Variants in SCHIP1 observed in about 807,000 individuals in gnomAD.
SCHIP1 encodes the protein schwannomin-interacting protein 1.
A neutral mutation model predicts 29.7 loss-of-function variants in SCHIP1; 8 were observed. The ratio of observed to expected loss-of-function variants is 0.27; its 90% CI spans 0.16 to 0.49. SCHIP1 has a LOEUF of 0.49. Ranked by LOEUF, SCHIP1 falls within the 20% of genes least tolerant of loss-of-function variation. The probability of loss-of-function intolerance (pLI) is 0.99; values close to 1 mark genes in which losing one functional copy is unlikely to be tolerated. For missense variants in SCHIP1, 193 were observed against 294.6 expected (o/e 0.66, Z 2.52); for synonymous variants, 76 against 94.9 (o/e 0.80, Z 1.16).
the SCHIP1 span, among the ~76,000 whole-genome samples, chr3:159,523,002 A>T: frequency 3.9e-5 from 6 of 152,302 alleles, no homozygotes; most frequent in East Asian, 1.2e-3. Flanking sequence ...TAATAAAGGA[A>T]CTTCCATATA....
At chr3:159,298,157 A>G in the SCHIP1 span, among the ~76,000 whole-genome samples, 1 of 152,230 alleles carries the variant, frequency 6.6e-6, no homozygotes, top group African/African-American at 2.4e-5. Flanking sequence ...AGACCATTCT[A>G]CAGCTCACAT....
At chr3:159,790,652 C>T in the SCHIP1 span, among the ~76,000 whole-genome samples, 1 of 152,218 alleles carries the variant, frequency 6.6e-6, no homozygotes, top group African/African-American at 2.4e-5. Flanking sequence ...AGCCCCTGCA[C>T]TCCAGCCTGG....
At chr3:159,715,038 G>C in the SCHIP1 span, among the ~76,000 whole-genome samples, 1 of 152,210 alleles carries the variant, frequency 6.6e-6, no homozygotes. Context: ...GCCCCTCTGA[G>C]AGGAAGCTTC....
At chr3:159,426,389 G>A in the SCHIP1 span, among the ~76,000 whole-genome samples, 1 of 152,160 alleles carries the variant, frequency 6.6e-6, no homozygotes, top group Non-Finnish European at 1.5e-5. Context: ...ACTACCATCA[G>A]AGAATACTAC....
the SCHIP1 span, among the ~76,000 whole-genome samples, chr3:159,585,883 G>GA: frequency 1.3e-5 from 2 of 152,008 alleles, no homozygotes; most frequent in Non-Finnish European, 1.5e-5. Flanking sequence ...TGCTAGGCTG[G>GA]AAAAAAATTT....
At chr3:159,574,746 T>C in the SCHIP1 span, among the ~76,000 whole-genome samples, 2 of 152,208 alleles carry the variant, frequency 1.3e-5, no homozygotes, top group African/African-American at 4.8e-5. Context: ...ATAGGCCTTA[T>C]TGAGCTGCAG....
the SCHIP1 span, among the ~76,000 whole-genome samples, chr3:159,649,559 TAAA>T: frequency 1.3e-5 from 2 of 151,820 alleles, no homozygotes; most frequent in Non-Finnish European, 2.9e-5. Context: ...AGTCAGAAGA[TAAA>T]AATCAGTACA....
At chr3:159,646,263 C>A in the SCHIP1 span, among the ~76,000 whole-genome samples, 1 of 152,298 alleles carries the variant, frequency 6.6e-6, no homozygotes, top group Non-Finnish European at 1.5e-5. Flanking sequence ...GTACGATTAG[C>A]TATTATCACT....
At chr3:159,789,708 T>C in the SCHIP1 span, among the ~76,000 whole-genome samples, 1 of 152,230 alleles carries the variant, frequency 6.6e-6, no homozygotes, top group East Asian at 1.9e-4. Context: ...GATTACATAA[T>C]TCAGGGTCTG....
At chr3:159,478,657 C>T in the SCHIP1 span, among the ~76,000 whole-genome samples, 1 of 152,060 alleles carries the variant, frequency 6.6e-6, no homozygotes, top group Admixed American at 6.6e-5. Flanking sequence ...AATTTTAGAT[C>T]ACTTTGGGTA....
chr3:159,423,161 T>G, the SCHIP1 span, among the ~76,000 whole-genome samples: 1 of 152,264 alleles, frequency 6.6e-6, no homozygotes, highest in Non-Finnish European at 1.5e-5. Flanking sequence ...CATTTCCATC[T>G]GAGGTACCGG....
chr3:159,865,058 G>A (rs1245624910), intron 1 of SCHIP1, among the ~76,000 whole-genome samples: 1 of 152,088 alleles, frequency 6.6e-6, no homozygotes, highest in South Asian at 2.1e-4. Context: ...TTGTCATTGT[G>A]ACACAGTGAT....
chr3:159,645,025 G>A, the SCHIP1 span, among the ~76,000 whole-genome samples: 1 of 152,158 alleles, frequency 6.6e-6, no homozygotes, highest in Non-Finnish European at 1.5e-5. Context: ...TCCCCCAGAA[G>A]TAAGGCAGAG....
the SCHIP1 span, among the ~76,000 whole-genome samples, chr3:159,688,422 T>G: frequency 3.9e-5 from 6 of 152,364 alleles, no homozygotes; most frequent in East Asian, 1.9e-4. Context: ...TCTGTTCATA[T>G]CCTTTGCCGA....
the SCHIP1 span, among the ~76,000 whole-genome samples, chr3:159,395,241 T>C: frequency 6.6e-6 from 1 of 152,174 alleles, no homozygotes; most frequent in Non-Finnish European, 1.5e-5. Context: ...TAGCGGTCTA[T>C]CTATTTTGTT....
At chr3:159,807,623 C>T in the SCHIP1 span, among the ~76,000 whole-genome samples, 2 of 152,006 alleles carry the variant, frequency 1.3e-5, no homozygotes, top group African/African-American at 2.4e-5. Context: ...TGTGTGTGTG[C>T]TGAATAGATG....
chr3:159,734,424 G>T, the SCHIP1 span, among the ~76,000 whole-genome samples: 2 of 151,946 alleles, frequency 1.3e-5, no homozygotes, highest in African/African-American at 4.8e-5. Context: ...ACAGGTATGA[G>T]CCACAGTGCC....
At chr3:159,347,954 A>C in the SCHIP1 span, among the ~76,000 whole-genome samples, 2 of 152,184 alleles carry the variant, frequency 1.3e-5, no homozygotes, top group Non-Finnish European at 1.5e-5. Context: ...TTCAGTGAGA[A>C]GATTGTGCTT....
At chr3:159,437,176 C>T in the SCHIP1 span, among the ~76,000 whole-genome samples, 1 of 152,086 alleles carries the variant, frequency 6.6e-6, no homozygotes, top group African/African-American at 2.4e-5. Context: ...TTTGAGACAT[C>T]TTCATTGCTG....
Sources: gnomAD v4.1 joint callset for allele counts (sites outside exome capture counted in the v4.1 genomes callset) on GRCh38, gnomAD v4.1.1 for gene constraint, MANE v1.5 for transcripts, NCBI Gene and HGNC (gene_info 2026-07-23, HGNC 2026-07-21) for gene names.